The following SLC44A5 variants were observed in gnomAD, a reference collection of about 807,000 sequenced individuals.
SLC44A5 encodes solute carrier family 44 member 5, also known as choline transporter-like protein 5.
In SLC44A5, 57 loss-of-function variants were observed where a neutral mutation model predicts 101.8. The observed-to-expected ratio is 0.56, with a 90% CI of 0.45 to 0.70. The LOEUF is 0.70. SLC44A5 is among the 30% of genes least tolerant of loss of function. The pLI is 0.00. For synonymous variants in SLC44A5, 281 were observed against 290.9 expected (o/e 0.97, Z 0.35); for missense variants, 737 against 853.1 (o/e 0.86, Z 1.70).
At chr1:75,596,066 ATTGGTAC>A (rs1240037789) in intron 1 of SLC44A5, among the ~76,000 whole-genome samples, 1 of 152,128 alleles carries the variant, frequency 6.6e-6, no homozygotes, top group East Asian at 1.9e-4. Context: ...CTAATAACCA[ATTGGTAC>A]AAGTCCCTGA....
chr1:75,568,447 T>C (rs1303702029), intron 1 of SLC44A5, among the ~76,000 whole-genome samples: 1 of 152,182 alleles, frequency 6.6e-6, no homozygotes, highest in East Asian at 1.9e-4. Context: ...GCCAATAAGC[T>C]ACCTAGCTAA....
At chr1:75,538,140 A>G (rs1398162720) in intron 2 of SLC44A5, 2 of 152,254 alleles carry the variant, frequency 1.3e-5, no homozygotes, top group African/African-American at 4.8e-5. Flanking sequence ...CCAACCACAG[A>G]AGTAGAATAG....
chr1:75,546,062 TCCTCCCACCTCAG>T (rs2101966917), intron 1 of SLC44A5, among the ~76,000 whole-genome samples: 1 of 152,204 alleles, frequency 6.6e-6, no homozygotes, highest in South Asian at 2.1e-4. Context: ...GCTCAAGTGA[TCCTCCCACCTCAG>T]CTTCCCAAAG....
At chr1:75,393,109 C>T (rs1661901986) in intron 3 of SLC44A5, among the ~76,000 whole-genome samples, 1 of 152,102 alleles carries the variant, frequency 6.6e-6, no homozygotes, top group Non-Finnish European at 1.5e-5. Context: ...ACCCTCACGT[C>T]ATGCAATATA....
Position 75,540,541 on chromosome 1 carries a change from T to C in SLC44A5, c.13+894A>G, listed in dbSNP as rs531418493. Among the ~76,000 whole-genome samples the C allele has an allele frequency of 8.5e-5, 13 of 152,102 alleles. No homozygotes were observed. The East Asian group carries it at 2.5e-3, about 29-fold the overall frequency. On this transcript the variant is annotated intron_variant, in intron 2 of 23. Coordinates refer to ENST00000370859, the MANE Select transcript of SLC44A5 (RefSeq NM_001130058.2). ...TGAGGAACATGTGTAGATTCAAACA[T>C]ATTCTGGGTTCCTCTTTTAAGAATC...
chr1:75,549,259 A>G (rs146091874), intron 1 of SLC44A5, among the ~76,000 whole-genome samples: 3 of 152,112 alleles, frequency 2.0e-5, no homozygotes, highest in African/African-American at 7.2e-5. Flanking sequence ...GCTGCCTAGT[A>G]AAATACTAAG....
chr1:75,289,330 C>T (rs1371516601), intron 5 of SLC44A5, among the ~76,000 whole-genome samples: 1 of 152,160 alleles, frequency 6.6e-6, no homozygotes, highest in South Asian at 2.1e-4. Flanking sequence ...CAGTAGAGGT[C>T]TCTAGGGTGT....
chr1:75,656,827 C>T, the SLC44A5 span, among the ~76,000 whole-genome samples: 6 of 152,018 alleles, frequency 3.9e-5, no homozygotes, highest in African/African-American at 1.4e-4. Flanking sequence ...TTTACCTATC[C>T]ATAATAACAT....
chr1:75,227,055 T>C (rs1300313388), intron 13 of SLC44A5, among the ~76,000 whole-genome samples: 1 of 152,218 alleles, frequency 6.6e-6, no homozygotes, highest in African/African-American at 2.4e-5. Context: ...TCCTTTTTCT[T>C]TTTTAAAAAC....
intron 4 of SLC44A5, among the ~76,000 whole-genome samples, chr1:75,330,152 T>TATATGCATATATATACGTAC (rs1553162293): frequency 2.6e-5 from 2 of 76,138 alleles, no homozygotes; most frequent in Admixed American, 1.8e-4. Context: ...TGCATATACG[T>TATATGCATATATATACGTAC]ATATGCATAT....
At chr1:75,702,909 A>T in the SLC44A5 span, among the ~76,000 whole-genome samples, 1 of 152,330 alleles carries the variant, frequency 6.6e-6, no homozygotes, top group South Asian at 2.1e-4. Context: ...ACATGAAAAA[A>T]TGCGCATCAT....
At chr1:75,701,188 G>C in the SLC44A5 span, among the ~76,000 whole-genome samples, 6 of 152,204 alleles carry the variant, frequency 3.9e-5, no homozygotes, top group African/African-American at 1.2e-4. Context: ...ACCAAAGCCT[G>C]GCAGAGACAC....
intron 11 of SLC44A5, among the ~76,000 whole-genome samples, chr1:75,235,783 G>A (rs929609628): frequency 6.6e-6 from 1 of 151,738 alleles, no homozygotes; most frequent in African/African-American, 2.4e-5. Flanking sequence ...TTTTTTTTGT[G>A]CTGCTACATT....
intron 2 of SLC44A5, among the ~76,000 whole-genome samples, chr1:75,528,724 C>A (rs1429618694): frequency 6.6e-6 from 1 of 152,142 alleles, no homozygotes; most frequent in Non-Finnish European, 1.5e-5. Flanking sequence ...GCCTATAAAA[C>A]CCTAACTATC....
At chr1:75,289,292 C>A (rs1459433816) in intron 5 of SLC44A5, among the ~76,000 whole-genome samples, 2 of 152,094 alleles carry the variant, frequency 1.3e-5, no homozygotes, top group Admixed American at 6.6e-5. Context: ...GTTTATGGGG[C>A]CTGTGGCAAA....
At chr1:75,552,569 G>A (rs922196448) in intron 1 of SLC44A5, among the ~76,000 whole-genome samples, 37 of 150,854 alleles carry the variant, frequency 2.5e-4, no homozygotes, top group African/African-American at 9.0e-4. Flanking sequence ...ATGAATGAAT[G>A]TATCTATCGA....
intron 2 of SLC44A5, among the ~76,000 whole-genome samples, chr1:75,515,312 T>C (rs1458018462): frequency 6.6e-6 from 1 of 152,216 alleles, no homozygotes; most frequent in Non-Finnish European, 1.5e-5. Flanking sequence ...CTTAGCAATT[T>C]TGAAATATAC....
intron 2 of SLC44A5, among the ~76,000 whole-genome samples, chr1:75,429,534 C>T (rs938296232): frequency 2.0e-5 from 3 of 152,092 alleles, no homozygotes; most frequent in African/African-American, 4.8e-5. Flanking sequence ...GGTCTGTTTA[C>T]GTTGCTATAA....
At chr1:75,259,562 C>T (rs1373227839) in intron 6 of SLC44A5, among the ~76,000 whole-genome samples, 1 of 152,022 alleles carries the variant, frequency 6.6e-6, no homozygotes, top group Non-Finnish European at 1.5e-5. Flanking sequence ...GATTGGTGTA[C>T]CTGAAAGTGA....
Sources: allele counts gnomAD v4.1 joint callset (sites outside exome capture counted in the v4.1 genomes callset), GRCh38; gene constraint gnomAD v4.1.1; transcripts MANE v1.5; gene names NCBI Gene and HGNC (gene_info 2026-07-23, HGNC 2026-07-21).